The following NR2F1-AS1 variants were observed in gnomAD, a reference collection of about 807,000 sequenced individuals.
NR2F1-AS1 encodes the protein NR2F1 regulatory antisense RNA 1.
chr5:93,436,067 T>C (rs1749425262), intron 4 of NR2F1-AS1, among the ~76,000 whole-genome samples: 1 of 152,180 alleles, frequency 6.6e-6, no homozygotes, highest in South Asian at 2.1e-4. Context: ...TCAATAAATA[T>C]GAAATCAAAT....
chr5:93,469,144 T>C (rs1561454340), intron 4 of NR2F1-AS1, among the ~76,000 whole-genome samples: 1 of 152,178 alleles, frequency 6.6e-6, no homozygotes, highest in Non-Finnish European at 1.5e-5. Flanking sequence ...ATGATGGGGA[T>C]ATGTATTGAG....
chr5:93,426,260 C>CACTCATGAGGCCAGTTT (rs1749193314), intron 4 of NR2F1-AS1, among the ~76,000 whole-genome samples: 3 of 150,800 alleles, frequency 2.0e-5, no homozygotes, highest in African/African-American at 7.5e-5. Flanking sequence ...GTTGGCCAGG[C>CACTCATGAGGCCAGTTT]TGGTCTCAAA....
At chr5:93,556,301 T>A (rs1335109634) in intron 2 of NR2F1-AS1, among the ~76,000 whole-genome samples, 2 of 152,198 alleles carry the variant, frequency 1.3e-5, no homozygotes, top group East Asian at 3.8e-4. Flanking sequence ...AGTTTTTATA[T>A]AAGAACAGAC....
chr5:93,566,493 C>G (rs1752621186), intron 1 of NR2F1-AS1, among the ~76,000 whole-genome samples: 1 of 152,050 alleles, frequency 6.6e-6, no homozygotes, highest in Non-Finnish European at 1.5e-5. Flanking sequence ...TTCACATCTG[C>G]AGTTGGGAAA....
chr5:93,473,880 C>A (rs1750425865), intron 4 of NR2F1-AS1, among the ~76,000 whole-genome samples: 1 of 151,736 alleles, frequency 6.6e-6, no homozygotes, highest in Non-Finnish European at 1.5e-5. Context: ...TAGCAACTCT[C>A]CAAGATCATT....
intron 4 of NR2F1-AS1, among the ~76,000 whole-genome samples, chr5:93,444,310 C>G (rs1749642463): frequency 6.6e-6 from 1 of 152,268 alleles, no homozygotes; most frequent in East Asian, 1.9e-4. Context: ...AGACTCATCT[C>G]AGGTGCAGAG....
At chr5:93,553,506 T>G (rs1377125630) in intron 4 of NR2F1-AS1, among the ~76,000 whole-genome samples, 2 of 152,188 alleles carry the variant, frequency 1.3e-5, no homozygotes, top group African/African-American at 4.8e-5. Flanking sequence ...TTATAAGGAA[T>G]GAGAATGGAG....
intron 4 of NR2F1-AS1, among the ~76,000 whole-genome samples, chr5:93,457,202 G>A (rs993436309): frequency 2.0e-5 from 3 of 152,200 alleles, no homozygotes; most frequent in South Asian, 2.1e-4. Flanking sequence ...CCCTTCCCAC[G>A]AGGCCATATT....
rs1751020164 is a variant in NR2F1-AS1, at chr5:93,498,942, A to AG, written n.638+54818_638+54819insC. On this transcript the variant is annotated intron_variant and non_coding_transcript_variant, in intron 4 of 5. Coordinates refer to ENST00000660523, the Ensembl canonical transcript of NR2F1-AS1. ...GTATTACCCTTATGAAAGAAGCACT[A>AG]AGATCAGTTGACCTAGGTTCCTCTA... is the stretch of plus-strand genomic sequence containing the variant. Among the ~76,000 whole-genome samples, 8 of 152,156 alleles carry AG rather than the reference A, an allele frequency of 5.3e-5. No individual in the cohort carries two copies. The South Asian group carries it at 1.7e-3, about 32-fold the overall frequency.
At chr5:93,533,277 T>C (rs1349712240) in intron 4 of NR2F1-AS1, among the ~76,000 whole-genome samples, 3 of 152,250 alleles carry the variant, frequency 2.0e-5, no homozygotes, top group Admixed American at 2.0e-4. Context: ...AATAAATTAG[T>C]GAGTGATCAC....
intron 4 of NR2F1-AS1, among the ~76,000 whole-genome samples, chr5:93,453,490 TATA>T (rs1448768164): frequency 6.6e-6 from 1 of 151,996 alleles, no homozygotes. Context: ...AAAATCCACA[TATA>T]ATAACATCAT....
At chr5:93,465,212 C>T (rs1047298561) in intron 4 of NR2F1-AS1, among the ~76,000 whole-genome samples, 1 of 152,140 alleles carries the variant, frequency 6.6e-6, no homozygotes, top group Non-Finnish European at 1.5e-5. Context: ...CTACAAAGAA[C>T]TTAAACAACT....
intron 4 of NR2F1-AS1, among the ~76,000 whole-genome samples, chr5:93,480,419 T>A (rs1276295185): frequency 2.6e-5 from 4 of 151,982 alleles, no homozygotes; most frequent in Non-Finnish European, 4.4e-5. Flanking sequence ...TACAGCAAAA[T>A]ACTTCAAAAA....
At chr5:93,461,986 A>G (rs1379861205) in intron 4 of NR2F1-AS1, among the ~76,000 whole-genome samples, 1 of 152,224 alleles carries the variant, frequency 6.6e-6, no homozygotes, top group African/African-American at 2.4e-5. Context: ...AAGTTCAATA[A>G]CAATACCACC....
At chr5:93,507,446 C>T (rs1351894004) in intron 4 of NR2F1-AS1, among the ~76,000 whole-genome samples, 4 of 152,186 alleles carry the variant, frequency 2.6e-5, no homozygotes, top group Admixed American at 2.6e-4. Flanking sequence ...CAACCTCTGC[C>T]TCCCAGGTTC....
At chr5:93,520,410 C>A (rs565100411) in intron 4 of NR2F1-AS1, among the ~76,000 whole-genome samples, 1 of 152,040 alleles carries the variant, frequency 6.6e-6, no homozygotes, top group East Asian at 1.9e-4. Flanking sequence ...AAGAAACATT[C>A]CTTTAAAAGT....
chr5:93,517,787 T>C (rs779918283), intron 4 of NR2F1-AS1, among the ~76,000 whole-genome samples: 1 of 152,112 alleles, frequency 6.6e-6, no homozygotes, highest in African/African-American at 2.4e-5. Context: ...AAGAGTTGAA[T>C]GATATAAACA....
chr5:93,442,921 G>A (rs1042248192), intron 4 of NR2F1-AS1, among the ~76,000 whole-genome samples: 1 of 152,228 alleles, frequency 6.6e-6, no homozygotes, highest in Non-Finnish European at 1.5e-5. Flanking sequence ...GTGATACCCA[G>A]GCAAACAGGG....
intron 4 of NR2F1-AS1, among the ~76,000 whole-genome samples, chr5:93,476,529 A>C (rs1271699946): frequency 6.6e-6 from 1 of 152,208 alleles, no homozygotes; most frequent in Non-Finnish European, 1.5e-5. Context: ...TTCCTGTGAA[A>C]TGGTTCTAAT....
Sources: gnomAD v4.1 joint callset for allele counts (sites outside exome capture counted in the v4.1 genomes callset) on GRCh38, gnomAD v4.1.1 for gene constraint, MANE v1.5 for transcripts, NCBI Gene and HGNC (gene_info 2026-07-23, HGNC 2026-07-21) for gene names.